Variants in RELN observed in about 807,000 individuals in gnomAD.
RELN encodes reelin.
Under a neutral mutation model 427.6 loss-of-function variants are expected in RELN, and 108 were observed. The ratio of observed to expected loss-of-function variants is 0.25; its 90% confidence interval spans 0.22 to 0.30. The LOEUF (loss-of-function observed/expected upper bound fraction) is 0.30, where lower values mean the gene tolerates loss of function less well. RELN is among the 10% of genes least tolerant of loss of function. The pLI is 1.00. For missense variants in RELN, 3,715 were observed against 4,302.8 expected, an observed-to-expected ratio of 0.86 and a Z score of 3.82; for synonymous variants, 1,524 against 1,513.4, an observed-to-expected ratio of 1.01 and a Z score of -0.16.
At chr7:103,906,362 A>AT (rs1212244368) in intron 2 of RELN, among the ~76,000 whole-genome samples, 11 of 151,978 alleles carry the variant, frequency 7.2e-5, no homozygotes, top group Non-Finnish European at 1.2e-4. Context: ...TTATAGTAGA[A>AT]TTTTTTTTAG....
intron 20 of RELN, among the ~76,000 whole-genome samples, chr7:103,618,487 T>A (rs1832135596): frequency 6.6e-6 from 1 of 152,238 alleles, no homozygotes; most frequent in Non-Finnish European, 1.5e-5. Context: ...CTTTATGGAT[T>A]TCTAAGTGGA....
intron 1 of RELN, among the ~76,000 whole-genome samples, chr7:103,940,999 T>C (rs1465294316): frequency 6.6e-6 from 1 of 152,192 alleles, no homozygotes; most frequent in African/African-American, 2.4e-5. Flanking sequence ...CAAGAATGAA[T>C]TGAGGTTAGC....
chr7:103,766,337 G>A (rs1456038157), intron 4 of RELN, among the ~76,000 whole-genome samples: 1 of 152,150 alleles, frequency 6.6e-6, no homozygotes, highest in Non-Finnish European at 1.5e-5. Context: ...AAATACATCA[G>A]TATTTATTTT....
intron 31 of RELN, among the ~76,000 whole-genome samples, chr7:103,570,851 T>TTTA (rs945382340): frequency 4.8e-4 from 73 of 151,950 alleles, no homozygotes; most frequent in African/African-American, 1.7e-3. Context: ...TTATTAGAGG[T>TTTA]TTATTATTAT....
Position 103,589,743 on chromosome 7 carries a change from A to C in RELN, c.3998T>G (p.Leu1333Arg), listed in dbSNP as rs1485514321. ...YSHDAGMSWF[L>R]VKEGCYPASA... ...AGCCGGGTAACAGCCTTCTTTCACCAGAAACCAGGACATACCAGCATCATG... is the reference window on the plus strand; with the variant it reads ...AGCCGGGTAACAGCCTTCTTTCACCCGAAACCAGGACATACCAGCATCATG... The change falls in exon 28 of 65, where the codon CTG becomes CGG. Residue 1333 changes from leucine to arginine, a missense_variant. By Grantham distance (102) the Leu-to-Arg change is moderately radical. Around this residue, in one of 4 missense-constraint regions of RELN, gnomAD observed 2,208 missense variants for 2,361.7 expected, o/e 0.93. Transcript: ENST00000428762. The C allele has an allele frequency of 6.2e-7, 1 of 1,613,894 alleles. No individual in the cohort carries two copies.
intron 36 of RELN, among the ~76,000 whole-genome samples, chr7:103,558,797 A>G (rs1290773233): frequency 2.0e-5 from 3 of 152,210 alleles, no homozygotes; most frequent in African/African-American, 4.8e-5. Flanking sequence ...TAAGGTCCAG[A>G]CAGGTCTTTT....
chr7:103,590,735 A>G lies in RELN; in HGVS notation c.3913-907T>C, dbSNP rs143076122. ...TGGAGGACTCATCATAGGATTAACA[A>G]CATTTAAAAAATGGTAAAAATACAA... On this transcript the variant is annotated intron_variant, in intron 27 of 64. Transcript: ENST00000428762. Among the ~76,000 whole-genome samples the G allele has an allele frequency of 5.0e-3, 762 of 152,290 alleles. 10 individuals are homozygous for G. The highest frequency in any genetic ancestry group is 0.017 in the African/African-American group (715 of 41,570).
At chr7:103,668,751 C>T (rs748255061) in intron 11 of RELN, among the ~76,000 whole-genome samples, 18 of 152,144 alleles carry the variant, frequency 1.2e-4, no homozygotes, top group Non-Finnish European at 2.5e-4. Context: ...CCTCTCTTGA[C>T]GCATACATGA....
rs752238353 is a variant in RELN, at chr7:103,539,150, C to T, written c.7108G>A (p.Val2370Ile). The change falls in exon 45 of 65, where the codon GTT (valine) becomes ATT (isoleucine). Residue 2370 changes from valine (V) to isoleucine (I), a missense_variant. Val to Ile is a conservative substitution (Grantham distance 29). Transcript: ENST00000428762. ...ASTRYVVSTD[V>I]AVNEDSFLQI... is the part of the protein sequence containing the mutation. ...AGGAAGGAATCCTCATTCACGGCAA[C>T]GTCTGTGCTGACCACGTAACGGGTG... The T allele has an allele frequency of 2.4e-5, 39 of 1,614,218 alleles. No individual in the cohort carries two copies. The highest frequency in any genetic ancestry group is 3.3e-5 in the South Asian group (3 of 91,084).
At position 103,960,279 on chromosome 7, in the gene RELN, A is replaced by T. The variant is rs984217347; in HGVS notation, c.226+28852T>A. Among the ~76,000 whole-genome samples, 39 of 152,266 alleles carry T rather than the reference A, an allele frequency of 2.6e-4. 1 individual carries two copies. Among genetic ancestry groups the T allele is most frequent in the Admixed American group, 1.8e-3 (28 of 15,296 alleles). On this transcript the variant is annotated intron_variant, in intron 1 of 64. Transcript: ENST00000428762. ...ATACTGTCCATCCTTGCTGGGACCG[A>T]AATACAGAGGCAGTTTCCTATATGT...
At chr7:103,958,742 A>G (rs975516522) in intron 1 of RELN, among the ~76,000 whole-genome samples, 1 of 152,148 alleles carries the variant, frequency 6.6e-6, no homozygotes, top group Non-Finnish European at 1.5e-5. Context: ...AGATTAAAGT[A>G]TTTTAGCTTC....
chr7:103,574,912 G>T (rs1045736303), intron 29 of RELN, among the ~76,000 whole-genome samples: 4 of 152,174 alleles, frequency 2.6e-5, no homozygotes, highest in Non-Finnish European at 5.9e-5. Flanking sequence ...AACATCCAAA[G>T]GTCACTGTGC....
intron 1 of RELN, among the ~76,000 whole-genome samples, chr7:103,967,176 C>A (rs1284741268): frequency 6.6e-6 from 1 of 152,112 alleles, no homozygotes; most frequent in Admixed American, 6.5e-5. Context: ...GTAGTAGAGG[C>A]AGGATTCTAA....
In RELN at chr7:103,603,858, A is replaced by G. The variant is rs1831738574; in HGVS notation, c.3147-368T>C. Among the ~76,000 whole-genome samples, 1 of 152,172 alleles carries G rather than the reference A, an allele frequency of 6.6e-6. No individual in the cohort carries two copies. The highest frequency in any genetic ancestry group is 2.4e-5 in the African/African-American group (1 of 41,430). On this transcript the variant is annotated intron_variant, in intron 23 of 64. Coordinates refer to ENST00000428762, the MANE Select transcript of RELN (RefSeq NM_005045.4). This position sits in a 1 kb window ranked among gnomAD's most constrained non-coding sequence, Gnocchi z 4.3. The stretch of plus-strand genomic sequence containing the variant: ...ATAAATGTCTGTCTGCTCAACCAAC[A>G]TATAATTCAGGCAACATTTTATAGT...
chr7:103,839,852 A>G (rs74945461), intron 2 of RELN, among the ~76,000 whole-genome samples: 204 of 152,294 alleles, frequency 1.3e-3, no homozygotes, highest in Admixed American at 2.7e-3. Context: ...GTTTGATACT[A>G]TGTCCCCACC....
chr7:103,609,225 A>C (rs76345131), intron 22 of RELN, among the ~76,000 whole-genome samples: 2 of 71,240 alleles, frequency 2.8e-5, no homozygotes, highest in Admixed American at 2.7e-4. Context: ...TCTGTCTCAA[A>C]AAAAAAAAAA....
At chr7:103,583,799 C>T (rs1029249019) in intron 28 of RELN, among the ~76,000 whole-genome samples, 1 of 152,074 alleles carries the variant, frequency 6.6e-6, no homozygotes. Context: ...GTCAGCAGTC[C>T]ACCTCCCTGC....
rs1828846738 is a variant in RELN, at chr7:103,496,545, C to T, written c.9174G>A (p.Leu3058=). 1.2e-6 allele frequency: 2 copies of T among 1,614,086 alleles called. No individual in the cohort carries two copies. Among genetic ancestry groups the T allele is most frequent in the East Asian group, 4.5e-5 (2 of 44,870 alleles). The change falls in exon 56 of 65, where the codon TTG becomes TTA. Residue 3058 remains leucine (L), a synonymous_variant. Transcript: ENST00000428762. The part of the protein sequence containing the change: ...IGGAEINPSQ[L]VDTFDDEGTS... ...TCTTACCATCATCAAAAGTGTCCAC[C>T]AATTGGCTGGGATTGATTTCTGCTC... is the stretch of plus-strand genomic sequence containing the variant.
intron 3 of RELN, among the ~76,000 whole-genome samples, chr7:103,815,116 T>C (rs891751384): frequency 6.6e-6 from 1 of 152,212 alleles, no homozygotes; most frequent in Non-Finnish European, 1.5e-5. Flanking sequence ...ACTGAAAATA[T>C]TTGCTCATGA....
Sources: gnomAD v4.1 joint callset for allele counts (sites outside exome capture counted in the v4.1 genomes callset) on GRCh38, gnomAD v4.1.1 for gene constraint, gnomAD v4.1.1 regional missense constraint, Gnocchi (gnomAD v3.1) non-coding constraint, MANE v1.5 for transcripts, NCBI Gene and HGNC (gene_info 2026-07-23, HGNC 2026-07-21) for gene names.